The following ANKS1B variants were observed in gnomAD, a reference collection of about 807,000 sequenced individuals.
ANKS1B encodes ankyrin repeat and sterile alpha motif domain-containing protein 1B.
ANKS1B carries 36 observed loss-of-function variants against 148.3 expected under a neutral mutation model. That is an observed-to-expected ratio of 0.24 (90% CI 0.19 to 0.32). ANKS1B has a LOEUF of 0.32. Among genes scored for constraint, ANKS1B ranks in the 10% least tolerant of loss-of-function variants. ANKS1B has a pLI of 1.00. For synonymous variants in ANKS1B, 542 were observed against 560.8 expected (o/e 0.97, Z 0.47); for missense variants, 1,157 against 1,542.6 (o/e 0.75, Z 4.19).
At chr12:98,863,651 A>T (rs977847044) in intron 17 of ANKS1B, among the ~76,000 whole-genome samples, 6 of 152,232 alleles carry the variant, frequency 3.9e-5, no homozygotes, top group African/African-American at 1.4e-4. Context: ...TTTATGTCAG[A>T]TCAGTTGATA....
intron 1 of ANKS1B, among the ~76,000 whole-genome samples, chr12:99,910,852 T>C (rs2093984131): frequency 6.6e-6 from 1 of 152,154 alleles, no homozygotes; most frequent in Non-Finnish European, 1.5e-5. Context: ...AATTTTAAAA[T>C]TCAAAATTTC....
intron 8 of ANKS1B, among the ~76,000 whole-genome samples, chr12:99,664,112 A>ATTGTGC (rs1452099995): frequency 6.6e-6 from 1 of 152,058 alleles, no homozygotes. Flanking sequence ...CGCAGAAGCT[A>ATTGTGC]ATTTCAAAAA....
intron 14 of ANKS1B, among the ~76,000 whole-genome samples, chr12:99,238,093 G>C (rs891873223): frequency 1.3e-5 from 2 of 152,216 alleles, no homozygotes; most frequent in African/African-American, 4.8e-5. Flanking sequence ...GCAGGGCGGG[G>C]TGTTGCCTCA....
chr12:98,804,474 A>G (rs1163656322), intron 20 of ANKS1B, among the ~76,000 whole-genome samples: 1 of 150,558 alleles, frequency 6.6e-6, no homozygotes, highest in African/African-American at 2.4e-5. Context: ...CAATTTGTAG[A>G]TGTTAATTCT....
intron 15 of ANKS1B, among the ~76,000 whole-genome samples, chr12:99,111,173 T>C (rs1200887406): frequency 1.3e-5 from 2 of 152,200 alleles, no homozygotes; most frequent in Non-Finnish European, 2.9e-5. Context: ...AACCTGACTA[T>C]AGAATGGCAG....
chr12:99,501,818 C>T (rs2096658843), intron 10 of ANKS1B, among the ~76,000 whole-genome samples: 1 of 152,134 alleles, frequency 6.6e-6, no homozygotes, highest in Non-Finnish European at 1.5e-5. Context: ...CTACCCTCGC[C>T]AATGTTTTGG....
intron 9 of ANKS1B, among the ~76,000 whole-genome samples, chr12:99,653,678 CTTTTTTTT>C (rs199988255): frequency 3.5e-5 from 4 of 113,584 alleles, no homozygotes; most frequent in Admixed American, 9.2e-5. Flanking sequence ...TTCTTTCTTT[CTTTTTTTT>C]TTTTTTTTTT....
chr12:98,919,492 T>C (rs933786990), intron 17 of ANKS1B, among the ~76,000 whole-genome samples: 5 of 152,170 alleles, frequency 3.3e-5, no homozygotes, highest in Non-Finnish European at 7.3e-5. Flanking sequence ...ACTGAATAAC[T>C]CAATCTACCT....
At chr12:98,946,873 G>A (rs114635014) in intron 17 of ANKS1B, among the ~76,000 whole-genome samples, 1,856 of 145,176 alleles carry the variant, frequency 0.013, 32 homozygotes, top group African/African-American at 0.045. Flanking sequence ...CCAGGAGTTC[G>A]AGACGGCAGT....
At chr12:99,953,024 T>C (rs560005453) in intron 1 of ANKS1B, among the ~76,000 whole-genome samples, 6 of 152,254 alleles carry the variant, frequency 3.9e-5, no homozygotes, top group South Asian at 2.1e-4. Context: ...TATCCAATGA[T>C]TGAAAACACA....
At chr12:99,550,671 T>G (rs1319919667) in intron 9 of ANKS1B, among the ~76,000 whole-genome samples, 1 of 152,144 alleles carries the variant, frequency 6.6e-6, no homozygotes, top group Non-Finnish European at 1.5e-5. Flanking sequence ...AATTTTTATT[T>G]TTAACAATCA....
intron 1 of ANKS1B, 81 bp from the exon 2 acceptor site, chr12:99,825,470 C>T: frequency 9.9e-7 from 1 of 1,009,886 alleles, no homozygotes; most frequent in South Asian, 1.5e-5. Flanking sequence ...GGTAGCCCCA[C>T]AGTCAGCAGC....
intron 11 of ANKS1B, among the ~76,000 whole-genome samples, chr12:99,433,635 T>C (rs1301991245): frequency 2.0e-5 from 3 of 152,158 alleles, no homozygotes; most frequent in Non-Finnish European, 4.4e-5. Context: ...TGCAGTGCTA[T>C]ATAAGTTAAG....
chr12:99,300,288 C>T (rs1262952722), intron 12 of ANKS1B, among the ~76,000 whole-genome samples: 1 of 150,826 alleles, frequency 6.6e-6, no homozygotes, highest in East Asian at 2.0e-4. Context: ...TGAATGGTTG[C>T]TAAATAGGAC....
chr12:99,929,306 T>G (rs1001283082), intron 1 of ANKS1B, among the ~76,000 whole-genome samples: 8 of 152,190 alleles, frequency 5.3e-5, no homozygotes, highest in African/African-American at 1.9e-4. Context: ...TTTTGAGAAG[T>G]GTCTGTTCAT....
chr12:99,339,212 C>A (rs1026488065), intron 12 of ANKS1B, among the ~76,000 whole-genome samples: 2 of 152,188 alleles, frequency 1.3e-5, no homozygotes, highest in Admixed American at 6.5e-5. Flanking sequence ...CAAGCTGGAA[C>A]GGATAATTCC....
At chr12:99,213,022 A>G (rs771492961) in intron 14 of ANKS1B, among the ~76,000 whole-genome samples, 1 of 152,170 alleles carries the variant, frequency 6.6e-6, no homozygotes, top group Non-Finnish European at 1.5e-5. Flanking sequence ...TCTGGCTCCA[A>G]ATCTAGCTTT....
chr12:98,973,843 A>G (rs1201011253), intron 17 of ANKS1B, among the ~76,000 whole-genome samples: 1 of 151,974 alleles, frequency 6.6e-6, no homozygotes, highest in African/African-American at 2.4e-5. Flanking sequence ...TATCACAGAT[A>G]TATCTATAGA....
intron 1 of ANKS1B, among the ~76,000 whole-genome samples, chr12:99,840,788 C>A (rs1032166298): frequency 6.6e-6 from 1 of 152,062 alleles, no homozygotes; most frequent in Non-Finnish European, 1.5e-5. Context: ...TTATAATATT[C>A]ATTCCATTTT....
Sources: gnomAD v4.1 joint callset for allele counts (sites outside exome capture counted in the v4.1 genomes callset) on GRCh38, gnomAD v4.1.1 for gene constraint, MANE v1.5 for transcripts, NCBI Gene and HGNC (gene_info 2026-07-23, HGNC 2026-07-21) for gene names.